NRXN1: variants seen among roughly 807,000 people sequenced by gnomAD.
NRXN1 encodes neurexin 1.
NRXN1 carries 39 observed loss-of-function variants against 150.9 expected under a neutral mutation model. The observed-to-expected ratio is 0.26, with a 90% CI of 0.20 to 0.34. The LOEUF is 0.34. NRXN1 is among the 10% of genes least tolerant of loss of function. NRXN1 has a pLI of 1.00. For missense variants in NRXN1, 1,815 were observed against 1,949.9 expected, an observed-to-expected ratio of 0.93 and a Z score of 1.30; for synonymous variants, 924 against 757.0, an observed-to-expected ratio of 1.22 and a Z score of -3.62.
intron 18 of NRXN1, among the ~76,000 whole-genome samples, chr2:50,212,333 G>T (rs553125115): frequency 6.8e-6 from 1 of 147,150 alleles, no homozygotes; most frequent in Admixed American, 6.8e-5. Flanking sequence ...GCCTAGAAAA[G>T]ATATCAACAC....
intron 12 of NRXN1, among the ~76,000 whole-genome samples, chr2:50,519,100 T>C (rs11897546): frequency 0.19 from 28,417 of 151,812 alleles, 3,547 homozygotes; most frequent in East Asian, 0.38. Context: ...CGTGTCTTGC[T>C]TTCTTTTTGT....
At chr2:49,969,412 G>C (rs979430886) in intron 21 of NRXN1, among the ~76,000 whole-genome samples, 6 of 151,844 alleles carry the variant, frequency 4.0e-5, no homozygotes, top group African/African-American at 1.5e-4. Context: ...TGACTCCCAA[G>C]GCTGTACATA....
At chr2:50,712,154 C>A (rs1027640846) in intron 5 of NRXN1, among the ~76,000 whole-genome samples, 1 of 151,514 alleles carries the variant, frequency 6.6e-6, no homozygotes, top group Non-Finnish European at 1.5e-5. Context: ...ACAAAGATGC[C>A]ATTTATGAAA....
intron 11 of NRXN1, among the ~76,000 whole-genome samples, chr2:50,529,844 C>T (rs187080258): frequency 2.6e-5 from 4 of 152,216 alleles, no homozygotes; most frequent in African/African-American, 4.8e-5. Flanking sequence ...AAGGAGAGTG[C>T]TCTGTGTTCT....
chr2:50,704,604 AT>A (rs1163058965), intron 5 of NRXN1, among the ~76,000 whole-genome samples: 1 of 150,956 alleles, frequency 6.6e-6, no homozygotes, highest in Non-Finnish European at 1.5e-5. Flanking sequence ...TTTTTTTAAC[AT>A]TGTTAGTCTT....
chr2:50,577,741 C>T (rs1420054777), intron 8 of NRXN1, among the ~76,000 whole-genome samples: 1 of 149,876 alleles, frequency 6.7e-6, no homozygotes, highest in Non-Finnish European at 1.5e-5. Context: ...CACACACACA[C>T]TAAATGGTAT....
intron 5 of NRXN1, among the ~76,000 whole-genome samples, chr2:50,822,806 G>A (rs1307876284): frequency 1.3e-5 from 2 of 151,982 alleles, no homozygotes; most frequent in African/African-American, 4.8e-5. Context: ...TAGAGTTAAG[G>A]GTCTGTCAAT....
chr2:50,950,631 C>G (rs141290073), intron 2 of NRXN1, among the ~76,000 whole-genome samples: 1 of 152,278 alleles, frequency 6.6e-6, no homozygotes, highest in Non-Finnish European at 1.5e-5. Context: ...GCACTAAATG[C>G]TACTAGTGTG....
chr2:50,103,437 C>T (rs899467390), intron 18 of NRXN1, among the ~76,000 whole-genome samples: 11 of 152,040 alleles, frequency 7.2e-5, no homozygotes, highest in African/African-American at 2.7e-4. Context: ...GACCCTTTCA[C>T]CTTCCTGTTC....
intron 21 of NRXN1, among the ~76,000 whole-genome samples, chr2:49,958,700 G>A (rs1205331598): frequency 6.6e-6 from 1 of 152,122 alleles, no homozygotes; most frequent in Non-Finnish European, 1.5e-5. Context: ...TTATGAGCAC[G>A]AGGGCTGGAA....
In NRXN1 at chr2:50,347,207, G is replaced by C; in HGVS notation, c.3365-110237C>G. On this transcript the variant is annotated intron_variant, in intron 17 of 22. Transcript: ENST00000401669. The surrounding 1 kb of genome is among the most constrained non-coding windows in gnomAD (Gnocchi z 4.9). Reference sequence around the variant, plus strand: ...GGGGCTTGTCCGGAAAGGCAGCCCCGGGAACAGCAAGCGCGGAGCGGGTGG... The same window carrying C: ...GGGGCTTGTCCGGAAAGGCAGCCCCCGGAACAGCAAGCGCGGAGCGGGTGG... 7 of 1,344,944 alleles carry C rather than the reference G, an allele frequency of 5.2e-6. No homozygotes were observed. The highest frequency in any genetic ancestry group is 6.8e-6 in the Non-Finnish European group (7 of 1,026,222). The allele number at this position is 1,344,944 out of a possible 1,614,324, so 83.3% of individuals were successfully genotyped here. A position where few individuals can be genotyped will look rare whatever the true frequency, so the allele number is the denominator to read the frequency against.
intron 2 of NRXN1, among the ~76,000 whole-genome samples, chr2:51,000,440 A>C (rs1699883192): frequency 6.6e-6 from 1 of 152,000 alleles, no homozygotes; most frequent in African/African-American, 2.4e-5. Flanking sequence ...CTCAGCACCT[A>C]TAACAGTACT....
intron 12 of NRXN1, among the ~76,000 whole-genome samples, chr2:50,507,199 CTTAGGTTCT>C (rs1380884520): frequency 2.0e-5 from 3 of 152,072 alleles, no homozygotes; most frequent in Non-Finnish European, 4.4e-5. Flanking sequence ...TCAACACGTT[CTTAGGTTCT>C]TTAGCCTCCT....
At chr2:50,501,386 T>TGTGTGTGTGTGTGA (rs2091933222) in intron 13 of NRXN1, among the ~76,000 whole-genome samples, 1 of 96,118 alleles carries the variant, frequency 1.0e-5, no homozygotes, top group Admixed American at 1.1e-4. Flanking sequence ...GACTCGTGTA[T>TGTGTGTGTGTGTGA]GTGTGTGTGT....
intron 17 of NRXN1, among the ~76,000 whole-genome samples, chr2:50,458,273 C>T (rs1480238286): frequency 6.6e-6 from 1 of 151,848 alleles, no homozygotes; most frequent in African/African-American, 2.4e-5. Context: ...AGGTGGTAAC[C>T]AGAGGCCATA....
intron 19 of NRXN1, among the ~76,000 whole-genome samples, chr2:50,082,845 G>C (rs527323073): frequency 6.7e-5 from 9 of 133,766 alleles, no homozygotes; most frequent in Non-Finnish European, 1.3e-4. Context: ...GAAAGAAGAG[G>C]TTTGACTTAC....
intron 2 of NRXN1, among the ~76,000 whole-genome samples, chr2:50,952,342 A>G (rs1691527144): frequency 6.6e-6 from 1 of 152,204 alleles, no homozygotes; most frequent in Admixed American, 6.5e-5. Flanking sequence ...ATACAAGACA[A>G]TTATAAACTT....
At chr2:51,031,204 A>T (rs1175962173) in intron 1 of NRXN1, among the ~76,000 whole-genome samples, 3 of 152,094 alleles carry the variant, frequency 2.0e-5, no homozygotes, top group Non-Finnish European at 4.4e-5. Context: ...CCAGTTCACA[A>T]ATTAGAGGAT....
rs187728998 is a variant in NRXN1, at chr2:50,234,273, C to A, written c.3546+2516G>T. ...CTTTGGGAGGCAGAAGCAGTTGGAT[C>A]ACCTGAGGTCAGAAGTTCAAGACCA... On this transcript the variant is annotated intron_variant, in intron 18 of 22. Coordinates refer to ENST00000401669, the MANE Select transcript of NRXN1 (RefSeq NM_001330078.2). 2.1e-3 allele frequency among the ~76,000 whole-genome samples: 319 copies of A among 152,186 alleles called. 1 individual carries two copies. Among genetic ancestry groups the A allele is most frequent in the Middle Eastern group, 0.014 (4 of 294 alleles).
Sources: allele counts gnomAD v4.1 joint callset (sites outside exome capture counted in the v4.1 genomes callset), GRCh38; gene constraint gnomAD v4.1.1; non-coding constraint Gnocchi (gnomAD v3.1); transcripts MANE v1.5; gene names NCBI Gene and HGNC (gene_info 2026-07-23, HGNC 2026-07-21).